Variants in NALF1 observed in about 807,000 individuals in gnomAD.
NALF1 encodes NALCN channel auxiliary factor 1, also known as family with sequence similarity 155 member A.
Under a neutral mutation model 48.4 loss-of-function variants are expected in NALF1, and 3 were observed. The ratio of observed to expected loss-of-function variants is 0.06; its 90% CI spans 0.03 to 0.16. The LOEUF (loss-of-function observed/expected upper bound fraction) is 0.16, where lower values mean the gene tolerates loss of function less well. Among genes scored for constraint, NALF1 ranks in the 10% least tolerant of loss-of-function variants. The pLI is 1.00. For synonymous variants in NALF1, 262 were observed against 245.7 expected, an observed-to-expected ratio of 1.07 and a Z score of -0.62; for missense variants, 526 against 571.5, an observed-to-expected ratio of 0.92 and a Z score of 0.81.
intron 2 of NALF1, among the ~76,000 whole-genome samples, chr13:107,173,119 C>T (rs1364033483): frequency 6.6e-6 from 1 of 152,148 alleles, no homozygotes; most frequent in Non-Finnish European, 1.5e-5. Context: ...TTCTCAAAGG[C>T]AAATATTTGC....
At chr13:107,432,807 C>A (rs1884404049) in intron 1 of NALF1, among the ~76,000 whole-genome samples, 1 of 152,062 alleles carries the variant, frequency 6.6e-6, no homozygotes. Flanking sequence ...AATAATTTGC[C>A]CATTCATAAC....
At chr13:107,237,996 G>T (rs935756637) in intron 1 of NALF1, among the ~76,000 whole-genome samples, 2 of 152,142 alleles carry the variant, frequency 1.3e-5, no homozygotes, top group Non-Finnish European at 2.9e-5. Context: ...CTGTGTGTGT[G>T]TAAAATCTCC....
At chr13:107,736,223 AC>A (rs1876465848) in intron 1 of NALF1, among the ~76,000 whole-genome samples, 1 of 56,488 alleles carries the variant, frequency 1.8e-5, no homozygotes, top group Non-Finnish European at 4.0e-5. Context: ...ACACACACAC[AC>A]GCGCGCGTGT....
intron 1 of NALF1, among the ~76,000 whole-genome samples, chr13:107,537,155 A>C (rs1323857229): frequency 6.6e-6 from 1 of 152,106 alleles, no homozygotes; most frequent in East Asian, 1.9e-4. Context: ...GGTGCAGCAC[A>C]CCAACATGGC....
intron 1 of NALF1, among the ~76,000 whole-genome samples, chr13:107,569,871 G>A (rs941580634): frequency 2.0e-5 from 3 of 152,078 alleles, no homozygotes; most frequent in Non-Finnish European, 2.9e-5. Context: ...TCCAATACAT[G>A]AACATGATAT....
At chr13:107,534,935 AT>A (rs1356347827) in intron 1 of NALF1, among the ~76,000 whole-genome samples, 2 of 152,078 alleles carry the variant, frequency 1.3e-5, no homozygotes, top group African/African-American at 4.8e-5. Context: ...GTGTATAATT[AT>A]TTGCCTCAAA....
intron 1 of NALF1, among the ~76,000 whole-genome samples, chr13:107,833,541 T>C (rs1290395201): frequency 6.6e-6 from 1 of 152,228 alleles, no homozygotes. Context: ...ATTTACTTTC[T>C]TGGGTGCCAT....
intron 1 of NALF1, among the ~76,000 whole-genome samples, chr13:107,253,970 G>A (rs370949779): frequency 3.1e-4 from 47 of 151,888 alleles, no homozygotes; most frequent in African/African-American, 1.1e-3. Flanking sequence ...TAGAATATGA[G>A]CTTTATGATG....
At chr13:107,290,902 T>C (rs374244580) in intron 1 of NALF1, among the ~76,000 whole-genome samples, 2 of 152,084 alleles carry the variant, frequency 1.3e-5, no homozygotes, top group South Asian at 2.1e-4. Flanking sequence ...AAAGGAAAAA[T>C]AGTGCCACCC....
At chr13:107,771,099 C>T (rs1877564160) in intron 1 of NALF1, among the ~76,000 whole-genome samples, 1 of 152,138 alleles carries the variant, frequency 6.6e-6, no homozygotes, top group Non-Finnish European at 1.5e-5. Flanking sequence ...TGTATTCTAT[C>T]TTGCAGATTA....
chr13:107,654,788 A>C (rs557154007), intron 1 of NALF1, among the ~76,000 whole-genome samples: 1 of 152,274 alleles, frequency 6.6e-6, no homozygotes, highest in South Asian at 2.1e-4. Context: ...CATATCAAAA[A>C]GGTAATCTAC....
At chr13:107,683,739 C>T (rs1881361645) in intron 1 of NALF1, among the ~76,000 whole-genome samples, 1 of 152,204 alleles carries the variant, frequency 6.6e-6, no homozygotes, top group Non-Finnish European at 1.5e-5. Context: ...AGCTCTCCTG[C>T]TGGGCTCCTC....
chr13:107,530,925 G>A (rs1345690010), intron 1 of NALF1, among the ~76,000 whole-genome samples: 3 of 151,876 alleles, frequency 2.0e-5, no homozygotes, highest in Non-Finnish European at 2.9e-5. Context: ...TTTTTATTGT[G>A]ATTTTTAGTG....
chr13:107,720,952 C>CAA (rs1875964963), intron 1 of NALF1, among the ~76,000 whole-genome samples: 1 of 152,102 alleles, frequency 6.6e-6, no homozygotes, highest in Non-Finnish European at 1.5e-5. Flanking sequence ...ACTGAGCTAA[C>CAA]AAAAACATTA....
intron 1 of NALF1, among the ~76,000 whole-genome samples, chr13:107,687,610 TTC>T (rs897619607): frequency 2.6e-5 from 4 of 152,216 alleles, no homozygotes; most frequent in African/African-American, 9.6e-5. Context: ...GTCTTATATA[TTC>T]TTATTGAATT....
intron 1 of NALF1, among the ~76,000 whole-genome samples, chr13:107,819,752 A>T (rs369390225): frequency 7.0e-6 from 1 of 143,042 alleles, no homozygotes; most frequent in African/African-American, 2.5e-5. Context: ...CTCTCTGGAA[A>T]CTCTCTCTCT....
intron 1 of NALF1, among the ~76,000 whole-genome samples, chr13:107,297,989 T>TCCACC (rs1054430684): frequency 1.3e-5 from 2 of 152,164 alleles, no homozygotes; most frequent in African/African-American, 4.8e-5. Flanking sequence ...CCATCTGCTG[T>TCCACC]CCACCCAAAT....
At chr13:107,427,153 T>A (rs1172840897) in intron 1 of NALF1, among the ~76,000 whole-genome samples, 2 of 151,606 alleles carry the variant, frequency 1.3e-5, no homozygotes, top group Non-Finnish European at 2.9e-5. Flanking sequence ...AATAGGCATA[T>A]TGACATTTCA....
intron 1 of NALF1, among the ~76,000 whole-genome samples, chr13:107,264,961 A>G (rs1393558072): frequency 2.6e-5 from 4 of 152,208 alleles, no homozygotes; most frequent in Non-Finnish European, 5.9e-5. Flanking sequence ...GGCTTGCATG[A>G]AAGTTTTTGT....
Sources: gnomAD v4.1 joint callset for allele counts (sites outside exome capture counted in the v4.1 genomes callset) on GRCh38, gnomAD v4.1.1 for gene constraint, MANE v1.5 for transcripts, NCBI Gene and HGNC (gene_info 2026-07-23, HGNC 2026-07-21) for gene names.